IDO2: variants seen among roughly 807,000 people sequenced by gnomAD.
The protein encoded by IDO2 is indoleamine 2,3-dioxygenase-like 1 protein.
A neutral mutation model predicts 45.1 loss-of-function variants in IDO2; 46 were observed. The observed-to-expected ratio is 1.02, with a 90% confidence interval of 0.80 to 1.30. The LOEUF is 1.30. IDO2 is among the 50% of genes most tolerant of loss of function. The pLI is 0.00. For synonymous variants in IDO2, 218 were observed against 184.9 expected (o/e 1.18, Z -1.45); for missense variants, 544 against 491.8 (o/e 1.11, Z -1.00).
At chr8:39,988,363 C>G (rs1253570145) in intron 7 of IDO2, among the ~76,000 whole-genome samples, 1 of 152,088 alleles carries the variant, frequency 6.6e-6, no homozygotes, top group African/African-American at 2.4e-5. Flanking sequence ...AGACAGGTAT[C>G]AGGAAGGCTG....
chr8:39,944,508 T>G (rs1807702933), intron 1 of IDO2, among the ~76,000 whole-genome samples: 1 of 152,164 alleles, frequency 6.6e-6, no homozygotes, highest in African/African-American at 2.4e-5. Flanking sequence ...TGGCAGCCCC[T>G]TCCTCAAGGA....
intron 2 of IDO2, among the ~76,000 whole-genome samples, chr8:39,957,968 C>CTT (rs1371947478): frequency 9.7e-5 from 14 of 144,686 alleles, no homozygotes; most frequent in East Asian, 2.1e-4. Flanking sequence ...TGCAGTGGTG[C>CTT]GATCTCAGCT....
At chr8:39,999,403 C>T (rs1247702956) in intron 8 of IDO2, among the ~76,000 whole-genome samples, 4 of 151,354 alleles carry the variant, frequency 2.6e-5, no homozygotes, top group South Asian at 2.1e-4. Context: ...CTCAGCCTAC[C>T]GAGTAGCTGG....
chr8:39,959,988 A>G (rs950095283), intron 2 of IDO2, among the ~76,000 whole-genome samples: 1 of 152,184 alleles, frequency 6.6e-6, no homozygotes, highest in Non-Finnish European at 1.5e-5. Context: ...CAATCAATCA[A>G]TCAATCAGAG....
chr8:39,998,907 T>G (rs1165604202), intron 8 of IDO2, among the ~76,000 whole-genome samples: 2 of 152,006 alleles, frequency 1.3e-5, no homozygotes, highest in Non-Finnish European at 2.9e-5. Flanking sequence ...CCTCCCAAAG[T>G]GCTAGGATTA....
intron 8 of IDO2, among the ~76,000 whole-genome samples, chr8:39,994,418 C>T (rs1247811566): frequency 2.0e-5 from 3 of 152,034 alleles, no homozygotes; most frequent in Admixed American, 6.6e-5. Flanking sequence ...CCACCACACC[C>T]GGCTGATTTT....
chr8:39,937,524 C>CTTT (rs72104971), intron 1 of IDO2, among the ~76,000 whole-genome samples: 2 of 143,870 alleles, frequency 1.4e-5, no homozygotes, highest in Non-Finnish European at 1.5e-5. Context: ...AAAATATCTT[C>CTTT]TTTTTTTTTT....
chr8:39,976,008 C>T (rs1477350431), intron 3 of IDO2, among the ~76,000 whole-genome samples: 1 of 152,108 alleles, frequency 6.6e-6, no homozygotes, highest in Non-Finnish European at 1.5e-5. Context: ...GAGATGGTGT[C>T]TCACTTTGTC....
At chr8:39,973,784 T>C (rs1215995045) in intron 3 of IDO2, among the ~76,000 whole-genome samples, 1 of 150,828 alleles carries the variant, frequency 6.6e-6, no homozygotes, top group Non-Finnish European at 1.5e-5. Flanking sequence ...CTCTGTCTCC[T>C]AGGCTGGGGT....
rs138004689 is a variant in IDO2 at position 40,006,643 on chromosome 8, A to ATTATTTTATTTTATTTTATTTTATT, written c.719+1273_719+1297dup. Among the ~76,000 whole-genome samples, 740 of 146,826 alleles carry ATTATTTTATTTTATTTTATTTTATT rather than the reference A, an allele frequency of 5.0e-3. 7 individuals carry two copies. Among genetic ancestry groups the ATTATTTTATTTTATTTTATTTTATT allele is most frequent in the African/African-American group, 7.2e-3 (288 of 39,874 alleles). On this transcript the variant is annotated intron_variant, in intron 9 of 10. Coordinates refer to ENST00000502986, the Ensembl canonical transcript of IDO2. ...ATTTCTTCACATAGAGAACTCTACT[A>ATTATTTTATTTTATTTTATTTTATT]TTATTTTATTTTATTTTATTTTATT... is the stretch of plus-strand genomic sequence containing the variant.
At chr8:39,965,233 C>G (rs1354235000) in intron 3 of IDO2, among the ~76,000 whole-genome samples, 1 of 152,178 alleles carries the variant, frequency 6.6e-6, no homozygotes, top group Non-Finnish European at 1.5e-5. Flanking sequence ...CGCCTGTAAT[C>G]CTAGCACTTT....
chr8:39,982,117 G>GT (rs776845106), intron 4 of IDO2, among the ~76,000 whole-genome samples: 57 of 152,138 alleles, frequency 3.7e-4, no homozygotes, highest in South Asian at 8.3e-4. Context: ...ATCTCTATGA[G>GT]TCGGTCAATC....
At chr8:39,947,020 G>C (rs775034035) in intron 1 of IDO2, among the ~76,000 whole-genome samples, 17 of 151,852 alleles carry the variant, frequency 1.1e-4, no homozygotes, top group Non-Finnish European at 1.6e-4. Flanking sequence ...AATTGGCGTG[G>C]TGGTGGGTGC....
intron 3 of IDO2, among the ~76,000 whole-genome samples, chr8:39,964,872 T>TAA (rs1808062170): frequency 6.6e-6 from 1 of 152,140 alleles, no homozygotes; most frequent in African/African-American, 2.4e-5. Flanking sequence ...AATCCAGAAA[T>TAA]AAGTTTACAG....
intron 1 of IDO2, among the ~76,000 whole-genome samples, chr8:39,937,554 A>G (rs1364323914): frequency 6.7e-6 from 1 of 150,178 alleles, no homozygotes; most frequent in Non-Finnish European, 1.5e-5. Context: ...AAGGTGTCAC[A>G]TTGTCTCTCA....
At chr8:39,965,669 A>G (rs115464862) in intron 3 of IDO2, among the ~76,000 whole-genome samples, 1,794 of 152,298 alleles carry the variant, frequency 0.012, 33 homozygotes, top group African/African-American at 0.04. Flanking sequence ...TAAATTGTAT[A>G]TGATGAGTGT....
At chr8:39,984,924 C>CGTAT in intron 5 of IDO2, 1 of 412,726 alleles carries the variant, frequency 2.4e-6, no homozygotes, top group South Asian at 1.8e-5. Context: ...AGTGAAATAA[C>CGTAT]TTATTTATTT....
At chr8:39,989,964 G>A (rs1808477267) in intron 8 of IDO2, 126 bp downstream of exon 8, 2 of 600,004 alleles carry the variant, frequency 3.3e-6, no homozygotes, top group South Asian at 2.2e-5. Context: ...AGATGACGCT[G>A]GTGGACTATC....
intron 1 of IDO2, among the ~76,000 whole-genome samples, chr8:39,940,346 C>A (rs190841185): frequency 3.3e-5 from 5 of 152,194 alleles, no homozygotes; most frequent in Non-Finnish European, 5.9e-5. Context: ...GGGCTTACGG[C>A]TAAAGGAAAA....
Sources: gnomAD v4.1 joint callset for allele counts (sites outside exome capture counted in the v4.1 genomes callset) on GRCh38, gnomAD v4.1.1 for gene constraint, MANE v1.5 for transcripts, NCBI Gene and HGNC (gene_info 2026-07-23, HGNC 2026-07-21) for gene names.